Variants in NSG2 observed in about 807,000 individuals in gnomAD.
NSG2 encodes neuronal vesicle trafficking associated 2.
NSG2 carries 4 observed loss-of-function variants against 16.9 expected under a neutral mutation model. The ratio of observed to expected loss-of-function variants is 0.24; its 90% confidence interval spans 0.12 to 0.54. The LOEUF (loss-of-function observed/expected upper bound fraction) is 0.54, where lower values mean the gene tolerates loss of function less well. NSG2 is among the 20% of genes least tolerant of loss of function. NSG2 has a pLI of 0.95. For missense variants in NSG2, 179 were observed against 221.1 expected (o/e 0.81, Z 1.21); for synonymous variants, 98 against 88.7 (o/e 1.11, Z -0.59).
At chr5:174,101,438 C>G (rs1760894762) in intron 3 of NSG2, among the ~76,000 whole-genome samples, 1 of 152,210 alleles carries the variant, frequency 6.6e-6, no homozygotes, top group African/African-American at 2.4e-5. Flanking sequence ...CCCTATACCC[C>G]TTATCAGTCA....
intron 3 of NSG2, among the ~76,000 whole-genome samples, chr5:174,100,341 T>C (rs1404965067): frequency 1.3e-5 from 2 of 152,150 alleles, no homozygotes; most frequent in Admixed American, 6.5e-5. Flanking sequence ...TGTAGTTGGT[T>C]TGAGATAGGG....
intron 3 of NSG2, chr5:174,086,419 G>A (rs1760622704): frequency 6.6e-6 from 1 of 152,190 alleles, no homozygotes; most frequent in Non-Finnish European, 1.5e-5. Flanking sequence ...AATCAGATCA[G>A]CCATGTTAGA....
chr5:174,057,186 C>T (rs1313913685), intron 2 of NSG2, among the ~76,000 whole-genome samples: 4 of 152,150 alleles, frequency 2.6e-5, no homozygotes, highest in Non-Finnish European at 4.4e-5. Context: ...TTTGCCCCTC[C>T]CCTCTCTACT....
intron 3 of NSG2, among the ~76,000 whole-genome samples, chr5:174,080,497 C>CTCTT (rs1168133074): frequency 6.8e-6 from 1 of 146,028 alleles, no homozygotes; most frequent in African/African-American, 2.6e-5. Flanking sequence ...CTTTCTTTCC[C>CTCTT]TCTTTCTTTC....
chr5:174,084,848 A>G (rs1018307319), intron 3 of NSG2, among the ~76,000 whole-genome samples: 1 of 152,138 alleles, frequency 6.6e-6, no homozygotes, highest in African/African-American at 2.4e-5. Flanking sequence ...TCTTGCTCTA[A>G]TGCTCTGTGG....
chr5:174,089,135 C>T (rs1477309453), intron 3 of NSG2, among the ~76,000 whole-genome samples: 9 of 152,194 alleles, frequency 5.9e-5, no homozygotes, highest in Non-Finnish European at 1.2e-4. Context: ...CCTTCTAAGG[C>T]TCACTGACAA....
chr5:174,078,774 G>A (rs1459722840), intron 3 of NSG2, among the ~76,000 whole-genome samples: 1 of 152,204 alleles, frequency 6.6e-6, no homozygotes, highest in Non-Finnish European at 1.5e-5. Context: ...GACACAGATA[G>A]AAGGCACCAT....
At chr5:174,093,387 C>T (rs956959547) in intron 3 of NSG2, among the ~76,000 whole-genome samples, 3 of 152,218 alleles carry the variant, frequency 2.0e-5, no homozygotes, top group African/African-American at 7.2e-5. Context: ...ATCAGTGTCA[C>T]CTACCTTTCA....
rs554027102 is a variant in NSG2, at chr5:174,049,114, C to T, written c.129+2230C>T. 1.6e-3 allele frequency among the ~76,000 whole-genome samples: 238 copies of T among 151,624 alleles called. 1 individual carries two copies. Among genetic ancestry groups the T allele is most frequent in the African/African-American group, 5.2e-3 (214 of 41,376 alleles). On this transcript the variant is annotated intron_variant, in intron 2 of 4. Coordinates refer to ENST00000303177, the MANE Select transcript of NSG2 (RefSeq NM_015980.5). ...CAGCACTTTGGGAGGCTGAGGCGGG[C>T]GGATCACAAGGTCAGGAGATCGAGA...
At chr5:174,066,151 C>T (rs1005367964) in intron 3 of NSG2, 7 of 455,562 alleles carry the variant, frequency 1.5e-5, no homozygotes, top group African/African-American at 1.4e-4. Context: ...TCCTAGATGC[C>T]ACCCTCCTCT....
At chr5:174,081,880 T>G (rs1458513781) in intron 3 of NSG2, among the ~76,000 whole-genome samples, 1 of 101,268 alleles carries the variant, frequency 9.9e-6, no homozygotes, top group East Asian at 2.8e-4. Flanking sequence ...GCAGTGAGAC[T>G]CCGACTCAAA....
At chr5:174,069,960 CT>C (rs1760207297) in intron 3 of NSG2, among the ~76,000 whole-genome samples, 1 of 151,484 alleles carries the variant, frequency 6.6e-6, no homozygotes, top group South Asian at 2.1e-4. Context: ...TCACTGCAGC[CT>C]TGACCTCCCA....
intron 2 of NSG2, among the ~76,000 whole-genome samples, chr5:174,060,424 G>A (rs1394927638): frequency 2.0e-5 from 3 of 151,966 alleles, no homozygotes; most frequent in Admixed American, 6.6e-5. Context: ...AACATTTGAT[G>A]TGAGGATTCT....
At chr5:174,084,962 G>C (rs912056789) in intron 3 of NSG2, among the ~76,000 whole-genome samples, 1 of 152,166 alleles carries the variant, frequency 6.6e-6, no homozygotes, top group African/African-American at 2.4e-5. Context: ...GGATGTGCAC[G>C]TCCATCTTTT....
At chr5:174,052,281 G>C (rs900368694) in intron 2 of NSG2, among the ~76,000 whole-genome samples, 9 of 152,190 alleles carry the variant, frequency 5.9e-5, no homozygotes, top group African/African-American at 1.9e-4. Flanking sequence ...AGGGAGGAGA[G>C]GGTAGTGGGG....
At chr5:174,078,421 G>T (rs941252813) in intron 3 of NSG2, among the ~76,000 whole-genome samples, 1 of 152,098 alleles carries the variant, frequency 6.6e-6, no homozygotes, top group East Asian at 1.9e-4. Flanking sequence ...TTCCACATCA[G>T]CACATTGAGA....
chr5:174,098,679 G>C (rs1482106768), intron 3 of NSG2, among the ~76,000 whole-genome samples: 1 of 152,088 alleles, frequency 6.6e-6, no homozygotes, highest in African/African-American at 2.4e-5. Flanking sequence ...ATTGCTCATT[G>C]AATGTCTCAC....
chr5:174,073,112 A>G (rs2113445750), intron 3 of NSG2, among the ~76,000 whole-genome samples: 1 of 152,328 alleles, frequency 6.6e-6, no homozygotes, highest in East Asian at 1.9e-4. Flanking sequence ...CAGTATCTTT[A>G]TATAAAATCA....
intron 3 of NSG2, among the ~76,000 whole-genome samples, chr5:174,084,744 G>A (rs1760569864): frequency 6.6e-6 from 1 of 152,188 alleles, no homozygotes; most frequent in African/African-American, 2.4e-5. Context: ...AGGGCTACGG[G>A]GTCACAGTTG....
Sources: allele counts gnomAD v4.1 joint callset (sites outside exome capture counted in the v4.1 genomes callset), GRCh38; gene constraint gnomAD v4.1.1; transcripts MANE v1.5; gene names NCBI Gene and HGNC (gene_info 2026-07-23, HGNC 2026-07-21).